NDUFA10: variants seen among roughly 807,000 people sequenced by gnomAD.
NDUFA10 encodes NADH:ubiquinone oxidoreductase subunit A10, also known as NADH dehydrogenase [ubiquinone] 1 alpha subcomplex subunit 10, mitochondrial.
NDUFA10 carries 40 observed loss-of-function variants against 47.8 expected under a neutral mutation model. The observed-to-expected ratio is 0.84, with a 90% CI of 0.65 to 1.09. The LOEUF (loss-of-function observed/expected upper bound fraction) is 1.09, where lower values mean the gene tolerates loss of function less well. Ranked by LOEUF, NDUFA10 falls within the 50% of genes least tolerant of loss-of-function variation. The pLI is 0.00. For missense variants in NDUFA10, 413 were observed against 451.1 expected, an observed-to-expected ratio of 0.92 and a Z score of 0.76; for synonymous variants, 183 against 172.2, an observed-to-expected ratio of 1.06 and a Z score of -0.49.
intron 8 of NDUFA10, among the ~76,000 whole-genome samples, chr2:239,996,098 C>T (rs1272349429): frequency 6.6e-6 from 1 of 152,136 alleles, no homozygotes; most frequent in Non-Finnish European, 1.5e-5. Flanking sequence ...GAGGGAAAAT[C>T]AGTAAAGATA....
At position 239,960,459 on chromosome 2, in the gene NDUFA10, G is replaced by C; in HGVS notation, c.*659C>G. The C allele has an allele frequency of 4.0e-6, 4 of 989,342 alleles. No individual in the cohort carries two copies. Among genetic ancestry groups the C allele is most frequent in the Non-Finnish European group, 3.6e-6 (3 of 832,100 alleles). The allele number at this position is 989,342 out of a possible 1,614,324, so 61.3% of individuals were successfully genotyped here. On this transcript the variant is annotated 3_prime_UTR_variant, in exon 10 of 10. Transcript: ENST00000252711. ...TCCCTTCAAAGGAGTTTGAGACGCT[G>C]AGGACGGCCACGTGAATCTTTCTCA...
intron 8 of NDUFA10, among the ~76,000 whole-genome samples, chr2:239,994,465 A>G (rs753687251): frequency 2.2e-4 from 34 of 151,962 alleles, no homozygotes; most frequent in Non-Finnish European, 4.3e-4. Flanking sequence ...TCACCCCCAG[A>G]TGGGACCATC....
rs747867364 is a variant in NDUFA10 at position 240,011,619 on chromosome 2, C to T, written c.747G>A (p.Met249Ile). 3 of 1,609,950 alleles carry T rather than the reference C, an allele frequency of 1.9e-6. No homozygotes were observed. The highest frequency in any genetic ancestry group is 2.6e-6 in the Non-Finnish European group (3 of 1,176,114). ...NAYKKTFLPE[M>I]SEKCEVLQYS... ...AATCAGTCGTGTGTTTGGCTCACCT[C>T]ATCTCAGGGAGAAAGGTTTTCTTAT... The change falls in exon 6 of 10, where the codon ATG becomes ATA. Residue 249 changes from methionine (M) to isoleucine (I), a missense_variant and splice_region_variant. Met to Ile is a conservative substitution (Grantham distance 10). Coordinates refer to ENST00000252711, the MANE Select transcript of NDUFA10 (RefSeq NM_004544.4).
intron 4 of NDUFA10, chr2:239,895,368 G>T: frequency 2.5e-6 from 1 of 404,818 alleles, no homozygotes; most frequent in Non-Finnish European, 5.3e-6. Context: ...AGGGGAGCCC[G>T]AGCTCTGTGC....
At chr2:239,978,340 G>A (rs551323355) in intron 9 of NDUFA10, among the ~76,000 whole-genome samples, 2 of 152,236 alleles carry the variant, frequency 1.3e-5, no homozygotes, top group East Asian at 1.9e-4. Context: ...GGTCATCAAC[G>A]CAGTATCCTG....
At chr2:239,946,458 C>T (rs1301079285) in intron 4 of NDUFA10, among the ~76,000 whole-genome samples, 1 of 152,210 alleles carries the variant, frequency 6.6e-6, no homozygotes. Flanking sequence ...GTGATGCCTC[C>T]GGGGCCCTCC....
chr2:240,020,962 G>A (rs1697595832), intron 3 of NDUFA10: 1 of 594,938 alleles, frequency 1.7e-6, no homozygotes, highest in South Asian at 2.0e-5. Flanking sequence ...GTAGTGCCTT[G>A]AGAATTCTAT....
chr2:239,943,178 G>C (rs1559301037), intron 4 of NDUFA10: 1 of 154,436 alleles, frequency 6.5e-6, no homozygotes, highest in Non-Finnish European at 1.5e-5. Flanking sequence ...CAGAGGCATT[G>C]CAAGACTCCC....
At chr2:239,956,707 G>A (rs1459125284), downstream of NDUFA10, among the ~76,000 whole-genome samples, 1 of 152,208 alleles carries the variant, frequency 6.6e-6, no homozygotes, top group Non-Finnish European at 1.5e-5. Context: ...AAAGCTCAAT[G>A]ACAAGCAGGG....
At chr2:239,986,762 G>A (rs1470711623) in intron 9 of NDUFA10, among the ~76,000 whole-genome samples, 1 of 152,192 alleles carries the variant, frequency 6.6e-6, no homozygotes, top group Admixed American at 6.5e-5. Flanking sequence ...AAACTACTGA[G>A]TGAAAGTTTG....
intron 8 of NDUFA10, among the ~76,000 whole-genome samples, chr2:239,991,651 C>A (rs184675957): frequency 3.7e-4 from 56 of 152,298 alleles, no homozygotes; most frequent in African/African-American, 1.1e-3. Context: ...TAAACACTTC[C>A]ATGCATGTGT....
chr2:239,911,308 G>A (rs188228419), intron 4 of NDUFA10, among the ~76,000 whole-genome samples: 82 of 152,250 alleles, frequency 5.4e-4, no homozygotes, highest in East Asian at 2.9e-3. Context: ...CCCCCAGGGC[G>A]GCAGGCGACT....
rs1694730832 is a variant in NDUFA10, at chr2:239,958,787, T to G, written c.*2331A>C. On this transcript the variant is annotated 3_prime_UTR_variant, in exon 10 of 10. Transcript: ENST00000252711. ...CAAGGACTTTCTTTTCAATACAGAA[T>G]TCTCATGCCTGTAAACACATGCCTG... 6.5e-6 allele frequency: 2 copies of G among 307,150 alleles called. No homozygotes were observed. Among genetic ancestry groups the G allele is most frequent in the Admixed American group, 1.3e-4 (2 of 15,428 alleles). The allele number at this position is 307,150 out of a possible 1,614,324, so 19.0% of individuals were successfully genotyped here.
intron 4 of NDUFA10, among the ~76,000 whole-genome samples, chr2:239,915,848 C>T (rs1341926106): frequency 6.0e-5 from 9 of 151,148 alleles, no homozygotes; most frequent in Non-Finnish European, 1.3e-4. Context: ...AGAACACACA[C>T]ATACACAGGC....
At chr2:239,899,038 GAGGGGTGTGA>G (rs1693468381) in intron 4 of NDUFA10, among the ~76,000 whole-genome samples, 1 of 93,186 alleles carries the variant, frequency 1.1e-5, no homozygotes, top group African/African-American at 3.6e-5. Flanking sequence ...GGGTGTAAAG[GAGGGGTGTGA>G]TGGAGGAGTG....
intron 9 of NDUFA10, chr2:239,983,548 A>G (rs781212673): frequency 6.2e-7 from 1 of 1,602,412 alleles, no homozygotes; most frequent in Non-Finnish European, 8.5e-7. Context: ...TGTGGTGTGC[A>G]TGGGGCTTTC....
chr2:239,921,342 AGG>A (rs1693977185), intron 4 of NDUFA10, among the ~76,000 whole-genome samples: 1 of 88,958 alleles, frequency 1.1e-5, no homozygotes, highest in African/African-American at 8.1e-5. Flanking sequence ...AGAGTGGAGA[AGG>A]AAAGAACAAA....
In NDUFA10 at chr2:240,005,314, C is replaced by T. The variant is rs1341696030; in HGVS notation, c.805-19G>A. ...CTACCACCTAAGACAGGAAAAATTC[C>T]AATTTAAACAGAGAACCCCATTTTA... On this transcript the variant is annotated intron_variant, in intron 7 of 9. Coordinates refer to ENST00000252711, the MANE Select transcript of NDUFA10 (RefSeq NM_004544.4). The T allele has an allele frequency of 6.3e-7, 1 of 1,591,198 alleles. No individual in the cohort carries two copies. Among genetic ancestry groups the T allele is most frequent in the Admixed American group, 1.7e-5 (1 of 59,978 alleles).
intron 4 of NDUFA10, among the ~76,000 whole-genome samples, chr2:239,900,592 CAT>C (rs1693526642): frequency 7.7e-6 from 1 of 130,446 alleles, no homozygotes. Flanking sequence ...AAAAAAAACC[CAT>C]GTGTGTGGGC....
Sources: gnomAD v4.1 joint callset for allele counts (sites outside exome capture counted in the v4.1 genomes callset) on GRCh38, gnomAD v4.1.1 for gene constraint, MANE v1.5 for transcripts, NCBI Gene and HGNC (gene_info 2026-07-23, HGNC 2026-07-21) for gene names.